Variants in UACA observed in about 807,000 individuals in gnomAD.
The protein encoded by UACA is nuclear membrane binding protein.
In UACA, 112 loss-of-function variants were observed where a neutral mutation model predicts 160.5. The ratio of observed to expected loss-of-function variants is 0.70; its 90% CI spans 0.60 to 0.82. The LOEUF (loss-of-function observed/expected upper bound fraction) is 0.82. Ranked by LOEUF, UACA falls within the 40% of genes least tolerant of loss-of-function variation. UACA has a pLI of 0.00. For synonymous variants in UACA, 557 were observed against 568.4 expected (o/e 0.98, Z 0.29); for missense variants, 1,574 against 1,614.6 (o/e 0.97, Z 0.43).
At chr15:70,759,926 TGCTAA>T (rs945771845) in intron 1 of UACA, among the ~76,000 whole-genome samples, 1 of 152,236 alleles carries the variant, frequency 6.6e-6, no homozygotes, top group African/African-American at 2.4e-5. Context: ...TAATTTAGCA[TGCTAA>T]GCTAATATGC....
rs1200655759 is a variant in UACA at position 70,654,559 on chromosome 15, T to C, written c.*2497A>G. The C allele has an allele frequency of 3.9e-5, 6 of 152,144 alleles. No homozygotes were observed. The highest frequency in any genetic ancestry group is 8.8e-5 in the Non-Finnish European group (6 of 68,018). 9.4% of individuals were successfully genotyped at this position (152,144 alleles called of 1,614,324 possible). A position where few individuals can be genotyped will look rare whatever the true frequency, so the allele number is the denominator to read the frequency against. On this transcript the variant is annotated 3_prime_UTR_variant, in exon 19 of 19. Transcript: ENST00000322954. ...AATATTAAAGATTTAAGATGTTCAA[T>C]GCATGAATATTTGATTTTATTTCAA...
intron 1 of UACA, among the ~76,000 whole-genome samples, chr15:70,725,797 G>A (rs1232187293): frequency 6.6e-6 from 1 of 152,152 alleles, no homozygotes; most frequent in East Asian, 1.9e-4. Context: ...TGGCCATGCA[G>A]AAACAATCCA....
rs988942698 is a variant in UACA, at chr15:70,659,892, CAT to C, written c.4179+257_4179+258del. 7.1e-4 allele frequency among the ~76,000 whole-genome samples: 108 copies of C among 152,210 alleles called. 1 individual carries two copies. Among genetic ancestry groups the C allele is most frequent in the African/African-American group, 2.5e-3 (102 of 41,554 alleles). On this transcript the variant is annotated intron_variant, in intron 18 of 18. Coordinates refer to ENST00000322954, the MANE Select transcript of UACA (RefSeq NM_018003.4). ...ACACCATTAACGTGTGCTACCATCA[CAT>C]GTTACCAAACTGTCTATAAACTGAG...
chr15:70,672,292 A>C (rs1474537909), intron 13 of UACA, among the ~76,000 whole-genome samples: 2 of 152,208 alleles, frequency 1.3e-5, no homozygotes, highest in Non-Finnish European at 2.9e-5. Flanking sequence ...AAATGAACTG[A>C]AACAACTTTC....
chr15:70,670,979 T>C, intron 15 of UACA, 60 bp downstream of exon 15: 5 of 1,149,580 alleles, frequency 4.3e-6, no homozygotes, highest in Non-Finnish European at 6.0e-6. Context: ...CCTCTCTTTA[T>C]AAAGGCACAA....
At chr15:70,712,055 T>C (rs984997979) in intron 1 of UACA, among the ~76,000 whole-genome samples, 1 of 149,642 alleles carries the variant, frequency 6.7e-6, no homozygotes, top group African/African-American at 2.5e-5. Context: ...TCCAGGCATA[T>C]ATATATATAT....
upstream of UACA, among the ~76,000 whole-genome samples, chr15:70,764,571 C>G (rs1743948169): frequency 6.6e-6 from 1 of 152,140 alleles, no homozygotes; most frequent in African/African-American, 2.4e-5. Context: ...ACAAAGGACT[C>G]TTTTTTGTCT....
intron 10 of UACA, 131 bp from the exon 11 acceptor site, chr15:70,678,337 A>C (rs949600888): frequency 1.5e-5 from 8 of 528,348 alleles, no homozygotes; most frequent in Admixed American, 3.7e-5. Context: ...AAAAGATACA[A>C]TAATTTCAAT....
chr15:70,741,847 C>T (rs1344196917), intron 1 of UACA, among the ~76,000 whole-genome samples: 3 of 152,164 alleles, frequency 2.0e-5, no homozygotes, highest in African/African-American at 7.2e-5. Flanking sequence ...TTAGAAGCAA[C>T]CACAAGAAAT....
intron 1 of UACA, among the ~76,000 whole-genome samples, chr15:70,721,677 C>T (rs913559041): frequency 1.3e-5 from 2 of 151,666 alleles, no homozygotes; most frequent in African/African-American, 4.8e-5. Context: ...TTTATTAACC[C>T]AGCGCTTTGC....
At chr15:70,712,632 T>G (rs886111415) in intron 1 of UACA, among the ~76,000 whole-genome samples, 9 of 152,188 alleles carry the variant, frequency 5.9e-5, no homozygotes, top group African/African-American at 2.2e-4. Flanking sequence ...CCTCCTTATA[T>G]CATACGGAAA....
chr15:70,686,301 T>C (rs1897714539), intron 7 of UACA, among the ~76,000 whole-genome samples: 1 of 151,972 alleles, frequency 6.6e-6, no homozygotes, highest in African/African-American at 2.4e-5. Context: ...AAGGTATAAA[T>C]CAATACATAT....
chr15:70,766,326 C>T (rs1032699217), upstream of UACA, among the ~76,000 whole-genome samples: 1 of 152,142 alleles, frequency 6.6e-6, no homozygotes, highest in African/African-American at 2.4e-5. Flanking sequence ...ATTTTGTTAA[C>T]TCTTATCACT....
chr15:70,702,535 T>A (rs780716089), intron 1 of UACA, among the ~76,000 whole-genome samples: 3 of 152,186 alleles, frequency 2.0e-5, no homozygotes, highest in Non-Finnish European at 4.4e-5. Context: ...ACCAATTGTG[T>A]GACATAATGA....
upstream of UACA, among the ~76,000 whole-genome samples, chr15:70,764,109 A>C (rs1318356007): frequency 6.6e-6 from 1 of 152,200 alleles, no homozygotes; most frequent in Non-Finnish European, 1.5e-5. Flanking sequence ...ACAGTTAAGA[A>C]AGACCTTGAA....
At chr15:70,689,549 A>G (rs1897851559) in intron 5 of UACA, among the ~76,000 whole-genome samples, 1 of 152,178 alleles carries the variant, frequency 6.6e-6, no homozygotes, top group Non-Finnish European at 1.5e-5. Flanking sequence ...TACAAAAAGC[A>G]AAATTTTTAA....
At chr15:70,720,821 C>G (rs369852176) in intron 1 of UACA, among the ~76,000 whole-genome samples, 8 of 152,316 alleles carry the variant, frequency 5.3e-5, no homozygotes, top group African/African-American at 1.9e-4. Flanking sequence ...CTCACTGACT[C>G]TGCACCTGAC....
the UACA span, among the ~76,000 whole-genome samples, chr15:70,770,491 T>C: frequency 6.6e-6 from 1 of 152,250 alleles, no homozygotes; most frequent in Non-Finnish European, 1.5e-5. Context: ...TGAATCAGTG[T>C]ATACTTTCCC....
chr15:70,774,265 G>A, the UACA span, among the ~76,000 whole-genome samples: 1 of 152,046 alleles, frequency 6.6e-6, no homozygotes, highest in Non-Finnish European at 1.5e-5. Context: ...TTAAAGACTG[G>A]GCTGGGCGTG....
Sources: gnomAD v4.1 joint callset for allele counts (sites outside exome capture counted in the v4.1 genomes callset) on GRCh38, gnomAD v4.1.1 for gene constraint, MANE v1.5 for transcripts, NCBI Gene and HGNC (gene_info 2026-07-23, HGNC 2026-07-21) for gene names.